KCNQ3: variants seen among roughly 807,000 people sequenced by gnomAD.
The protein encoded by KCNQ3 is potassium voltage-gated channel subfamily Q member 3.
A neutral mutation model predicts 92.5 loss-of-function variants in KCNQ3; 30 were observed. The ratio of observed to expected loss-of-function variants is 0.32; its 90% CI spans 0.24 to 0.44. The LOEUF is 0.44. Among genes scored for constraint, KCNQ3 ranks in the 20% least tolerant of loss-of-function variants. The pLI, the probability that KCNQ3 is intolerant of heterozygous loss-of-function variation, is 1.00. For missense variants in KCNQ3, 913 were observed against 1,140.3 expected (o/e 0.80, Z 2.87); for synonymous variants, 450 against 468.8 (o/e 0.96, Z 0.52).
intron 1 of KCNQ3, among the ~76,000 whole-genome samples, chr8:132,429,230 C>T (rs1217663238): frequency 6.6e-6 from 1 of 152,188 alleles, no homozygotes; most frequent in Non-Finnish European, 1.5e-5. Context: ...GGTGAGCAGG[C>T]ATCTTGTCTC....
At chr8:132,155,474 T>C (rs6415550) in intron 9 of KCNQ3, among the ~76,000 whole-genome samples, 1 of 151,900 alleles carries the variant, frequency 6.6e-6, no homozygotes, top group Admixed American at 6.6e-5. Flanking sequence ...AAAGCAAACC[T>C]TTAAATAATA....
intron 13 of KCNQ3, 147 bp from the exon 14 acceptor site, chr8:132,132,411 G>A: frequency 1.4e-6 from 1 of 704,912 alleles, no homozygotes; most frequent in Non-Finnish European, 2.6e-6. Context: ...AACTCTGGAG[G>A]CATATGTGAG....
chr8:132,336,246 T>C (rs938378533), intron 1 of KCNQ3, among the ~76,000 whole-genome samples: 6 of 152,244 alleles, frequency 3.9e-5, no homozygotes, highest in South Asian at 4.1e-4. Flanking sequence ...CCCTGCACCA[T>C]TGGCATGGCC....
intron 1 of KCNQ3, among the ~76,000 whole-genome samples, chr8:132,293,062 T>A (rs1427299896): frequency 6.6e-6 from 1 of 152,094 alleles, no homozygotes; most frequent in African/African-American, 2.4e-5. Context: ...AGACAGCTGA[T>A]CATGTGAAGA....
In KCNQ3 at chr8:132,339,666, AC is replaced by A. The variant is rs1213344878; in HGVS notation, c.386+140480del. 2.6e-5 allele frequency among the ~76,000 whole-genome samples: 4 copies of A among 152,262 alleles called. No individual in the cohort carries two copies. In the East Asian group the frequency reaches 7.7e-4, roughly 29 times the overall value. Reference sequence around the variant, plus strand: ...AGAGGTTGGAATGAGCCGAGATCTCACCTGGAGAGGGCTTATATGACAAGCA... The same window carrying A: ...AGAGGTTGGAATGAGCCGAGATCTCACTGGAGAGGGCTTATATGACAAGCA... On this transcript the variant is annotated intron_variant, in intron 1 of 14. Transcript: ENST00000388996.
chr8:132,244,473 G>A (rs374045030), intron 1 of KCNQ3, among the ~76,000 whole-genome samples: 2 of 152,040 alleles, frequency 1.3e-5, no homozygotes, highest in Non-Finnish European at 2.9e-5. Context: ...AGATGATAGA[G>A]AGGTGTTAAA....
intron 1 of KCNQ3, among the ~76,000 whole-genome samples, chr8:132,234,497 G>A (rs1468022704): frequency 6.6e-6 from 1 of 151,932 alleles, no homozygotes; most frequent in Non-Finnish European, 1.5e-5. Context: ...CGGGTGGGTG[G>A]AGGCAGGGGG....
intron 1 of KCNQ3, among the ~76,000 whole-genome samples, chr8:132,271,215 C>T (rs1259724795): frequency 6.6e-6 from 1 of 152,214 alleles, no homozygotes; most frequent in Admixed American, 6.5e-5. Context: ...AGGACTTGGG[C>T]CAGTGCCTGC....
intron 1 of KCNQ3, among the ~76,000 whole-genome samples, chr8:132,254,137 T>C (rs1168859350): frequency 6.6e-6 from 1 of 152,222 alleles, no homozygotes; most frequent in Non-Finnish European, 1.5e-5. Context: ...GACCGACTGA[T>C]TTCGAATCTG....
At chr8:132,163,734 C>A (rs1327756857) in intron 8 of KCNQ3, among the ~76,000 whole-genome samples, 2 of 152,158 alleles carry the variant, frequency 1.3e-5, no homozygotes, top group Admixed American at 1.3e-4. Flanking sequence ...GTCATTCATT[C>A]ATTTATTCAT....
chr8:132,431,861 G>A (rs1022408823), intron 1 of KCNQ3, among the ~76,000 whole-genome samples: 5 of 152,158 alleles, frequency 3.3e-5, no homozygotes, highest in Non-Finnish European at 5.9e-5. Flanking sequence ...TCCCCACCCA[G>A]GCACCTGCTG....
At chr8:132,476,230 CTG>C (rs3050495) in intron 1 of KCNQ3, among the ~76,000 whole-genome samples, 27,188 of 152,170 alleles carry the variant, frequency 0.18, 2,942 homozygotes, top group East Asian at 0.4. Flanking sequence ...TAGAGAACCT[CTG>C]TGAGGGCAGT....
intron 1 of KCNQ3, among the ~76,000 whole-genome samples, chr8:132,340,265 A>G (rs1267489089): frequency 6.6e-6 from 1 of 152,234 alleles, no homozygotes; most frequent in East Asian, 1.9e-4. Flanking sequence ...TACTGGTTGT[A>G]TGCCCAAAGG....
chr8:132,458,441 A>AT, intron 1 of KCNQ3, among the ~76,000 whole-genome samples: 1 of 152,242 alleles, frequency 6.6e-6, no homozygotes, highest in Middle Eastern at 3.4e-3. Context: ...AATAGACTTT[A>AT]TTTTTTAGAA....
intron 1 of KCNQ3, among the ~76,000 whole-genome samples, chr8:132,430,194 A>C (rs866572972): frequency 6.6e-6 from 1 of 152,218 alleles, no homozygotes; most frequent in African/African-American, 2.4e-5. Context: ...ATTTCCACCC[A>C]GATCTTCCTG....
intron 1 of KCNQ3, among the ~76,000 whole-genome samples, chr8:132,437,787 C>A (rs1227670443): frequency 6.6e-6 from 1 of 152,198 alleles, no homozygotes; most frequent in Non-Finnish European, 1.5e-5. Flanking sequence ...CCCCAAATAC[C>A]CATCCATCTT....
chr8:132,438,431 C>T (rs1374987290), intron 1 of KCNQ3, among the ~76,000 whole-genome samples: 1 of 152,114 alleles, frequency 6.6e-6, no homozygotes, highest in African/African-American at 2.4e-5. Flanking sequence ...TTAGGGACTC[C>T]ACTGGGCCCT....
chr8:132,309,416 T>C (rs901082848), intron 1 of KCNQ3, among the ~76,000 whole-genome samples: 5 of 152,240 alleles, frequency 3.3e-5, no homozygotes, highest in African/African-American at 1.2e-4. Context: ...TGCTGATTTA[T>C]TGACATTTGA....
chr8:132,306,243 T>C (rs1817418390), intron 1 of KCNQ3, among the ~76,000 whole-genome samples: 1 of 152,198 alleles, frequency 6.6e-6, no homozygotes, highest in African/African-American at 2.4e-5. Flanking sequence ...TGGAGGTTGT[T>C]CTCAGTGTTT....
Sources: gnomAD v4.1 joint callset for allele counts (sites outside exome capture counted in the v4.1 genomes callset) on GRCh38, gnomAD v4.1.1 for gene constraint, MANE v1.5 for transcripts, NCBI Gene and HGNC (gene_info 2026-07-23, HGNC 2026-07-21) for gene names.